The following PJA2 variants were observed in gnomAD, a reference collection of about 807,000 sequenced individuals.
The protein encoded by PJA2 is E3 ubiquitin-protein ligase Praja-2.
PJA2 carries 25 observed loss-of-function variants against 69.3 expected under a neutral mutation model. That is an observed-to-expected ratio of 0.36 (90% CI 0.26 to 0.50). The LOEUF is 0.50. PJA2 is among the 20% of genes least tolerant of loss of function. The probability of loss-of-function intolerance (pLI) is 0.96; values close to 1 mark genes in which losing one functional copy is unlikely to be tolerated. For missense variants in PJA2, 809 were observed against 830.2 expected, an observed-to-expected ratio of 0.97 and a Z score of 0.31; for synonymous variants, 308 against 277.8, an observed-to-expected ratio of 1.11 and a Z score of -1.08.
At chr5:109,394,154 T>C (rs1747351703) in intron 1 of PJA2, among the ~76,000 whole-genome samples, 1 of 140,564 alleles carries the variant, frequency 7.1e-6, no homozygotes, top group Admixed American at 7.9e-5. Flanking sequence ...TTTAAGCAAA[T>C]CTCCTGCCTC....
intron 1 of PJA2, chr5:109,390,632 T>C (rs906746675): frequency 3.3e-5 from 5 of 152,060 alleles, no homozygotes; most frequent in African/African-American, 1.2e-4. Context: ...TTTTCAATCA[T>C]CTCACCTGTC....
chr5:109,408,268 A>C (rs1206874633), intron 1 of PJA2, among the ~76,000 whole-genome samples: 1 of 152,208 alleles, frequency 6.6e-6, no homozygotes, highest in Non-Finnish European at 1.5e-5. Context: ...AGGATGAATT[A>C]AAATTTGTAA....
At chr5:109,358,402 C>T (rs1236600430) in intron 6 of PJA2, among the ~76,000 whole-genome samples, 1 of 152,196 alleles carries the variant, frequency 6.6e-6, no homozygotes, top group Non-Finnish European at 1.5e-5. Context: ...GACTGGCTTG[C>T]TGTCAATAAA....
chr5:109,342,526 G>T (rs1762091258), intron 9 of PJA2, among the ~76,000 whole-genome samples: 1 of 125,654 alleles, frequency 8.0e-6, no homozygotes, highest in Non-Finnish European at 1.7e-5. Flanking sequence ...GGGAGGTGGG[G>T]GGGGTCAGCT....
intron 5 of PJA2, among the ~76,000 whole-genome samples, chr5:109,364,554 C>T (rs1363820335): frequency 1.4e-5 from 2 of 145,984 alleles, no homozygotes; most frequent in Non-Finnish European, 3.0e-5. Flanking sequence ...ACCCGGGAGG[C>T]GGAGCTTGCA....
rs35384937 is a variant in PJA2 at position 109,403,764 on chromosome 5, T to TA, written c.-88+6077dup. Among the ~76,000 whole-genome samples the TA allele has an allele frequency of 6.9e-4, 95 of 138,202 alleles. No homozygotes were observed. In the East Asian group the frequency reaches 8.1e-3, roughly 12 times the overall value. The allele number at this position is 138,202 out of a possible 152,430, so 90.7% of individuals were successfully genotyped here. A position where few individuals can be genotyped will look rare whatever the true frequency, so the allele number is the denominator to read the frequency against. The stretch of plus-strand genomic sequence containing the variant: ...CTAAAATCAACATCCACTCATGATT[T>TA]AAAAAAAAAAAAAAAAAAAACTCTC... On this transcript the variant is annotated intron_variant, in intron 1 of 9. Coordinates refer to ENST00000361189, the MANE Select transcript of PJA2 (RefSeq NM_014819.5).
At chr5:109,386,884 T>A (rs1236049557) in intron 1 of PJA2, among the ~76,000 whole-genome samples, 1 of 152,052 alleles carries the variant, frequency 6.6e-6, no homozygotes, top group Admixed American at 6.6e-5. Context: ...AGGGTCTATC[T>A]AAATAGCTGG....
chr5:109,336,292 A>G lies in PJA2; in HGVS notation c.*939T>C, dbSNP rs1761938270. ...CTGTGTGTGATCACCTGAAGGAGAC[A>G]TTGTGCATCTTAGTTTGGGGTTATA... On this transcript the variant is annotated 3_prime_UTR_variant, in exon 10 of 10. Transcript: ENST00000361189. The G allele has an allele frequency of 6.6e-6, 1 of 152,208 alleles. No individual in the cohort carries two copies. The highest frequency in any genetic ancestry group is 1.5e-5 in the Non-Finnish European group (1 of 68,034). 9.4% of individuals were successfully genotyped at this position (152,208 alleles called of 1,614,324 possible). A position where few individuals can be genotyped will look rare whatever the true frequency, so the allele number is the denominator to read the frequency against.
intron 6 of PJA2, among the ~76,000 whole-genome samples, chr5:109,357,455 C>T (rs769010608): frequency 6.6e-6 from 1 of 152,154 alleles, no homozygotes; most frequent in Non-Finnish European, 1.5e-5. Context: ...CAGACATGCA[C>T]ATATAATCAC....
intron 5 of PJA2, among the ~76,000 whole-genome samples, chr5:109,366,757 G>A (rs147403117): frequency 2.1e-4 from 32 of 152,292 alleles, no homozygotes; most frequent in African/African-American, 6.3e-4. Flanking sequence ...TATTTGCTGA[G>A]TGAATAACTG....
In PJA2 at chr5:109,381,588, C is replaced by A; in HGVS notation, c.147G>T (p.Met49Ile). The A allele has an allele frequency of 6.2e-7, 1 of 1,614,096 alleles. No homozygotes were observed. The highest frequency in any genetic ancestry group is 1.1e-5 in the South Asian group (1 of 91,062). The change falls in exon 3 of 10, where the codon ATG becomes ATT. Residue 49 changes from methionine to isoleucine, a missense_variant. Around this residue, in one of 4 missense-constraint regions of PJA2, gnomAD observed 700 missense variants for 639.5 expected, o/e 1.09. Transcript: ENST00000361189. ...RHAYVSFKPC[M>I]TRHERSLGRA... is the part of the protein sequence containing the mutation. ...GACCTAAGCTTCTTTCATGTCTGGT[C>A]ATACATGGTTTAAAACTGACATAAG...
chr5:109,340,657 TCCCC>T lies in PJA2; in HGVS notation c.2002-3305_2002-3302del, dbSNP rs1335512666. On this transcript the variant is annotated intron_variant, in intron 9 of 9. Transcript: ENST00000361189. The stretch of plus-strand genomic sequence containing the variant: ...CTCCCCCTCCCCCTCCCCCTCCCCC[TCCCC>T]CTCCCCCTCCCTCTCCCCACGGTCT... 5.7e-3 allele frequency among the ~76,000 whole-genome samples: 9 copies of T among 1,592 alleles called. 1 individual carries two copies. The highest frequency in any genetic ancestry group is 0.015 in the Admixed American group (2 of 134). 1.0% of individuals were successfully genotyped at this position (1,592 alleles called of 152,430 possible). A position where few individuals can be genotyped will look rare whatever the true frequency, so the allele number is the denominator to read the frequency against.
At chr5:109,364,205 G>A (rs909728215) in intron 5 of PJA2, among the ~76,000 whole-genome samples, 12 of 152,136 alleles carry the variant, frequency 7.9e-5, no homozygotes, top group South Asian at 2.1e-4. Flanking sequence ...GTATTCGCCC[G>A]CAGGGAGGGA....
intron 9 of PJA2, among the ~76,000 whole-genome samples, chr5:109,338,453 A>G (rs1307762021): frequency 6.6e-6 from 1 of 152,120 alleles, no homozygotes. Context: ...CAGCCTGGGC[A>G]ACATGGTGAA....
chr5:109,409,195 G>A (rs1027780283), intron 1 of PJA2: 2 of 151,272 alleles, frequency 1.3e-5, no homozygotes, highest in South Asian at 2.1e-4. Flanking sequence ...AGGAGCTCTG[G>A]CCTGACATCG....
At chr5:109,372,169 T>C (rs1762684734) in intron 4 of PJA2, among the ~76,000 whole-genome samples, 1 of 152,226 alleles carries the variant, frequency 6.6e-6, no homozygotes, top group Non-Finnish European at 1.5e-5. Context: ...AAAAACATTG[T>C]GTACCACTTA....
At chr5:109,355,033 C>G (rs1266456724) in intron 7 of PJA2, among the ~76,000 whole-genome samples, 8 of 152,066 alleles carry the variant, frequency 5.3e-5, no homozygotes, top group Non-Finnish European at 4.4e-5. Context: ...CTAAGGTGGG[C>G]TGATTGCTTG....
At chr5:109,377,278 T>TA (rs1052354384) in intron 4 of PJA2, among the ~76,000 whole-genome samples, 50 of 151,166 alleles carry the variant, frequency 3.3e-4, no homozygotes, top group African/African-American at 4.1e-4. Context: ...ACTTTCTAAC[T>TA]AAAAAAAAAC....
chr5:109,356,064 T>C (rs780967140), intron 6 of PJA2, 38 bp from the exon 7 acceptor site: 7 of 1,386,942 alleles, frequency 5.0e-6, no homozygotes, highest in Non-Finnish European at 7.1e-6. Context: ...AACTCACCAC[T>C]ATGATTTGGG....
Sources: gnomAD v4.1 joint callset for allele counts (sites outside exome capture counted in the v4.1 genomes callset) on GRCh38, gnomAD v4.1.1 for gene constraint, gnomAD v4.1.1 regional missense constraint, MANE v1.5 for transcripts, NCBI Gene and HGNC (gene_info 2026-07-23, HGNC 2026-07-21) for gene names.